NCOR2: variants seen among roughly 807,000 people sequenced by gnomAD.
NCOR2 encodes nuclear receptor corepressor 2.
In NCOR2, 81 loss-of-function variants were observed where a neutral mutation model predicts 262.9. The ratio of observed to expected loss-of-function variants is 0.31; its 90% CI spans 0.26 to 0.37. NCOR2 has a LOEUF of 0.37. NCOR2 is among the 10% of genes least tolerant of loss of function. The probability of loss-of-function intolerance (pLI) is 1.00; values close to 1 mark genes in which losing one functional copy is unlikely to be tolerated. For missense variants in NCOR2, 3,385 were observed against 3,621.4 expected (o/e 0.93, Z 1.68); for synonymous variants, 1,659 against 1,559.3 (o/e 1.06, Z -1.51).
chr12:124,325,421 G>C lies in NCOR2; in HGVS notation c.7526C>G (p.Thr2509Arg). ...TCTGAGTCACTCGCTGTCGGAGAGTGTCTCGTACTGCGAGCAGAGCAGTGG... is the reference window on the plus strand; with the variant it reads ...TCTGAGTCACTCGCTGTCGGAGAGTCTCTCGTACTGCGAGCAGAGCAGTGG... The change falls in exon 47 of 47, where the codon ACA becomes AGA. Residue 2509 changes from threonine to arginine, a missense_variant. Thr to Arg is a moderately conservative substitution (Grantham distance 71). This residue lies in a region of NCOR2 where 1,017 missense variants were observed against 967.2 expected (regional missense o/e 1.05). Transcript: ENST00000405201. The C allele has an allele frequency of 7.6e-7, 1 of 1,311,330 alleles. No homozygotes were observed. Among genetic ancestry groups the C allele is most frequent in the Non-Finnish European group, 9.8e-7 (1 of 1,019,952 alleles). The allele number at this position is 1,311,330 out of a possible 1,614,324, so 81.2% of individuals were successfully genotyped here.
chr12:124,366,978 T>G (rs1437314702), intron 20 of NCOR2, among the ~76,000 whole-genome samples: 1 of 152,242 alleles, frequency 6.6e-6, no homozygotes, highest in Non-Finnish European at 1.5e-5. Flanking sequence ...TTTATATGTG[T>G]GTACAAATAG....
intron 27 of NCOR2, among the ~76,000 whole-genome samples, chr12:124,351,108 C>A (rs753869846): frequency 1.3e-5 from 2 of 152,134 alleles, no homozygotes; most frequent in South Asian, 4.1e-4. Context: ...AAGGGGCAGG[C>A]GGGGACTTGA....
intron 17 of NCOR2, among the ~76,000 whole-genome samples, chr12:124,380,926 T>C (rs1735620426): frequency 6.6e-6 from 1 of 152,146 alleles, no homozygotes; most frequent in African/African-American, 2.4e-5. Context: ...TCAGGAGGTG[T>C]GTGTAGAATA....
At chr12:124,340,740 G>A in exon 35 of NCOR2, 2 of 1,543,048 alleles carry the variant, frequency 1.3e-6, no homozygotes, top group Non-Finnish European at 1.7e-6. Context: ...ACTTGGGACA[G>A]GTCGATGATG....
At chr12:124,458,496 A>G (rs1042608107) in intron 5 of NCOR2, among the ~76,000 whole-genome samples, 2 of 152,174 alleles carry the variant, frequency 1.3e-5, no homozygotes, top group Non-Finnish European at 2.9e-5. Flanking sequence ...CAAAACCCCG[A>G]GACCTGCAGC....
At chr12:124,371,074 T>C (rs2039464995) in intron 20 of NCOR2, among the ~76,000 whole-genome samples, 1 of 151,854 alleles carries the variant, frequency 6.6e-6, no homozygotes, top group African/African-American at 2.4e-5. Context: ...TCCCAGCAAA[T>C]CCCCCACATG....
chr12:124,352,980 C>A (rs1314539253), intron 27 of NCOR2, among the ~76,000 whole-genome samples: 1 of 152,240 alleles, frequency 6.6e-6, no homozygotes, highest in Non-Finnish European at 1.5e-5. Context: ...AGTTAATAAA[C>A]GGCTCTGTGC....
At chr12:124,367,929 C>T (rs1274591332) in intron 20 of NCOR2, among the ~76,000 whole-genome samples, 1 of 152,232 alleles carries the variant, frequency 6.6e-6, no homozygotes, top group Non-Finnish European at 1.5e-5. Flanking sequence ...CCACCGCGAC[C>T]GGCCTCTCTC....
In NCOR2 at chr12:124,325,506, G is replaced by C; in HGVS notation, c.7441C>G (p.Leu2481Val). The change falls in exon 47 of 47, where the codon CTC (leucine) becomes GTC (valine). Residue 2481 changes from leucine (L) to valine (V), a missense_variant. Coordinates refer to ENST00000405201, the Ensembl canonical transcript of NCOR2. Reference sequence around the variant, plus strand: ...GCGAGGGGCCCGCTGCCCGCGGGGAGGCCCGGTGGGGGTGGGGAAGCCATG... The same window carrying C: ...GCGAGGGGCCCGCTGCCCGCGGGGACGCCCGGTGGGGGTGGGGAAGCCATG... 4 of 1,359,016 alleles carry C rather than the reference G, an allele frequency of 2.9e-6. No individual in the cohort carries two copies. The South Asian group carries it at 7.6e-5, about 26-fold the overall frequency. The allele number at this position is 1,359,016 out of a possible 1,614,324, so 84.2% of individuals were successfully genotyped here.
exon 30 of NCOR2, chr12:124,347,890 G>A (rs2037076431): frequency 2.6e-6 from 4 of 1,564,020 alleles, no homozygotes; most frequent in Non-Finnish European, 2.6e-6. Context: ...TCGCTCCGGC[G>A]GGATGGCACG....
intron 6 of NCOR2, among the ~76,000 whole-genome samples, chr12:124,451,219 G>A (rs973249237): frequency 5.3e-5 from 8 of 152,226 alleles, no homozygotes; most frequent in Non-Finnish European, 1.2e-4. Context: ...GATCTACAAC[G>A]CCGGCCCCCC....
chr12:124,428,831 A>T (rs765748692), intron 10 of NCOR2, among the ~76,000 whole-genome samples: 34 of 152,244 alleles, frequency 2.2e-4, no homozygotes, highest in Non-Finnish European at 4.7e-4. Context: ...CTCCCTGGAC[A>T]AAAGTCCCCA....
At chr12:124,459,033 T>C (rs2046028049) in intron 5 of NCOR2, among the ~76,000 whole-genome samples, 1 of 152,066 alleles carries the variant, frequency 6.6e-6, no homozygotes, top group Non-Finnish European at 1.5e-5. Flanking sequence ...ACCCAAACAA[T>C]GGCTGTTGGT....
At position 124,342,090 on chromosome 12, in the gene NCOR2, G is replaced by A. The variant is rs2036500745; in HGVS notation, c.4937-16C>T. 2 of 1,595,176 alleles carry A rather than the reference G, an allele frequency of 1.3e-6. No individual in the cohort carries two copies. Among genetic ancestry groups the A allele is most frequent in the Non-Finnish European group, 1.7e-6 (2 of 1,170,380 alleles). Reference sequence around the variant, plus strand: ...TAGGCAGCGGCTGCGGGGCAGAGGGGAGCTCATGTGAGGCCAGCCATACCT... The same window carrying A: ...TAGGCAGCGGCTGCGGGGCAGAGGGAAGCTCATGTGAGGCCAGCCATACCT... On this transcript the variant is annotated splice_polypyrimidine_tract_variant and intron_variant, in intron 33 of 46. Coordinates refer to ENST00000405201, the Ensembl canonical transcript of NCOR2.
chr12:124,348,082 G>T, intron 29 of NCOR2, 92 bp downstream of exon 31: 1 of 1,572,592 alleles, frequency 6.4e-7, no homozygotes, highest in South Asian at 1.1e-5. Context: ...AGAAAGCCCA[G>T]CCTCGGTTTC....
exon 34 of NCOR2, chr12:124,341,920 G>C (rs760199503): frequency 1.2e-6 from 2 of 1,613,072 alleles, no homozygotes; most frequent in Non-Finnish European, 1.7e-6. Flanking sequence ...TGGCCGCGTT[G>C]TGGTGCATCT....
intron 8 of NCOR2, among the ~76,000 whole-genome samples, chr12:124,435,258 GT>G (rs1478669869): frequency 6.6e-6 from 1 of 152,220 alleles, no homozygotes; most frequent in Admixed American, 6.5e-5. Flanking sequence ...TTACCGGTCT[GT>G]TTCCTGGCCT....
intron 13 of NCOR2, among the ~76,000 whole-genome samples, chr12:124,415,127 G>A (rs1268542521): frequency 6.6e-6 from 1 of 152,184 alleles, no homozygotes; most frequent in African/African-American, 2.4e-5. Context: ...GGGGTAGTGG[G>A]TGGGGAGTGG....
chr12:124,492,224 G>C (rs577429169), intron 1 of NCOR2, among the ~76,000 whole-genome samples: 1 of 152,340 alleles, frequency 6.6e-6, no homozygotes, highest in East Asian at 1.9e-4. Flanking sequence ...CTTCCAGGAG[G>C]AAAGAGATGA....
Sources: gnomAD v4.1 joint callset for allele counts (sites outside exome capture counted in the v4.1 genomes callset) on GRCh38, gnomAD v4.1.1 for gene constraint, gnomAD v4.1.1 regional missense constraint, MANE v1.5 for transcripts, NCBI Gene and HGNC (gene_info 2026-07-23, HGNC 2026-07-21) for gene names.